Variants in HPS5 observed in about 807,000 individuals in gnomAD.
The protein encoded by HPS5 is BLOC-2 complex member HPS5.
HPS5 carries 83 observed loss-of-function variants against 128.0 expected under a neutral mutation model. The observed-to-expected ratio is 0.65, with a 90% CI of 0.54 to 0.78. The LOEUF is 0.78. Among genes scored for constraint, HPS5 ranks in the 30% least tolerant of loss-of-function variants. The pLI is 0.00. For missense variants in HPS5, 1,281 were observed against 1,326.2 expected (o/e 0.97, Z 0.53); for synonymous variants, 475 against 470.2 (o/e 1.01, Z -0.13).
chr11:18,317,070 T>C (rs577777944), intron 2 of HPS5, among the ~76,000 whole-genome samples: 1 of 151,858 alleles, frequency 6.6e-6, no homozygotes, highest in Non-Finnish European at 1.5e-5. Context: ...GGCGGGCACA[T>C]GTGGTCCCAG....
In HPS5 at chr11:18,305,445, A is replaced by G. The variant is rs1227152843; in HGVS notation, c.873T>C (p.Ser291=). The G allele has an allele frequency of 6.2e-7, 1 of 1,610,270 alleles. No individual in the cohort carries two copies. The highest frequency in any genetic ancestry group is 1.1e-5 in the South Asian group (1 of 90,962). The change falls in exon 8 of 23, where the codon TCT becomes TCC. Residue 291 remains serine, a synonymous_variant. Transcript: ENST00000349215. ...DHTAGSSQSL[S]FPKLLHLSEH... ...ACCTAAGATGTAAGAGTTTGGGGAA[A>G]GACAAAGACTGGGAGGATCCAGCTG...
At chr11:18,314,560 A>AATAC (rs1863394606) in intron 2 of HPS5, 2 of 152,134 alleles carry the variant, frequency 1.3e-5, no homozygotes, top group Admixed American at 1.3e-4. Flanking sequence ...TAAATAAATA[A>AATAC]ATAATCCACT....
At chr11:18,321,233 C>G (rs1674722993) in intron 1 of HPS5, among the ~76,000 whole-genome samples, 1 of 152,196 alleles carries the variant, frequency 6.6e-6, no homozygotes, top group Admixed American at 6.5e-5. Context: ...GCTTCTTTTT[C>G]CAGCCTTATT....
intron 2 of HPS5, among the ~76,000 whole-genome samples, chr11:18,313,912 C>A (rs1389527769): frequency 3.6e-3 from 393 of 110,376 alleles, no homozygotes; most frequent in Admixed American, 4.6e-3. Flanking sequence ...GACTCCGTCT[C>A]AAAAAAAAAA....
chr11:18,291,764 T>A lies in HPS5; in HGVS notation c.2118A>T (p.Ala706=). 1 of 1,614,206 alleles carries A rather than the reference T, an allele frequency of 6.2e-7. No individual in the cohort carries two copies. Among genetic ancestry groups the A allele is most frequent in the Non-Finnish European group, 8.5e-7 (1 of 1,179,992 alleles). ...CCCTTGGACTCCTTACACATTCACA[T>A]GCTGTTTTATCAACAGATTCTTCAT... ...LGNEESVDKT[A]CECVRSPRES... is the part of the protein sequence containing the mutation. Residue 706 remains alanine, a synonymous_variant, in exon 16 of 23, where the codon GCA becomes GCT. Coordinates refer to ENST00000349215, the MANE Select transcript of HPS5 (RefSeq NM_181507.2).
rs73432728 is a variant in HPS5, at chr11:18,311,994, A to G, written c.139T>C (p.Leu47=). ...CTSIAVSRKW[L]ALGSSGGGLH... is the part of the protein sequence containing the mutation. ...CCTCCTCCTGAACTGCCCAAAGCCA[A>G]CCATTTCCGAGACACAGCTATGCTC... Residue 47 remains leucine, a synonymous_variant, in exon 3 of 23, where the codon TTG becomes CTG. Coordinates refer to ENST00000349215, the MANE Select transcript of HPS5 (RefSeq NM_181507.2). The G allele has an allele frequency of 3.5e-3, 5,688 of 1,613,970 alleles. 178 individuals carry two copies. The African/African-American group carries it at 0.068, about 19-fold the overall frequency.
intron 8 of HPS5, among the ~76,000 whole-genome samples, chr11:18,302,855 A>G (rs1245335476): frequency 8.4e-6 from 1 of 118,956 alleles, no homozygotes. Context: ...GATCCCTGAG[A>G]AAGAGATACA....
chr11:18,288,926 A>ATG (rs971230471), intron 16 of HPS5, among the ~76,000 whole-genome samples: 2 of 150,316 alleles, frequency 1.3e-5, no homozygotes, highest in Admixed American at 6.6e-5. Context: ...CTAGGCTGGC[A>ATG]TGTGTGTGTG....
chr11:18,303,246 G>C (rs1297793385), intron 8 of HPS5, among the ~76,000 whole-genome samples: 2 of 142,318 alleles, frequency 1.4e-5, no homozygotes, highest in Non-Finnish European at 3.0e-5. Flanking sequence ...ACTATCATTT[G>C]AGGGTTTTCT....
chr11:18,284,184 A>C (rs1241636332), intron 20 of HPS5, among the ~76,000 whole-genome samples: 1 of 152,086 alleles, frequency 6.6e-6, no homozygotes, highest in African/African-American at 2.4e-5. Flanking sequence ...AAAAAACAAA[A>C]AACCTAGCAA....
intron 15 of HPS5, among the ~76,000 whole-genome samples, chr11:18,292,587 G>T (rs902417477): frequency 6.6e-6 from 1 of 152,094 alleles, no homozygotes; most frequent in Non-Finnish European, 1.5e-5. Flanking sequence ...TCCCATTCTG[G>T]GCTTGTGTGA....
chr11:18,308,928 A>G lies in HPS5; in HGVS notation c.611+18T>C. ...CTAAAATTCTGCATTTCTGATGACTAATGGTTGGTCAATATACCTCTCAGT... is the reference window on the plus strand; with the variant it reads ...CTAAAATTCTGCATTTCTGATGACTGATGGTTGGTCAATATACCTCTCAGT... On this transcript the variant is annotated intron_variant, in intron 6 of 22. Coordinates refer to ENST00000349215, the MANE Select transcript of HPS5 (RefSeq NM_181507.2). 1 of 1,613,342 alleles carries G rather than the reference A, an allele frequency of 6.2e-7. No individual in the cohort carries two copies. The highest frequency in any genetic ancestry group is 8.5e-7 in the Non-Finnish European group (1 of 1,179,376).
chr11:18,297,595 T>C lies in HPS5; in HGVS notation c.1287A>G (p.Ser429=). The change falls in exon 11 of 23, where the codon TCA becomes TCG. Residue 429 remains serine, a synonymous_variant. Coordinates refer to ENST00000349215, the MANE Select transcript of HPS5 (RefSeq NM_181507.2). ...TGGAGCTTCTTCTACTGCTACAAGC[T>C]GAATCCAAAGGTTCAAATTTTAAGA... ...ELILKFEPLD[S]ACSSRRSSIS... The C allele has an allele frequency of 6.2e-7, 1 of 1,614,052 alleles. No homozygotes were observed. The highest frequency in any genetic ancestry group is 8.5e-7 in the Non-Finnish European group (1 of 1,179,928).
Position 18,298,953 on chromosome 11 carries a change from C to A in HPS5, c.1003G>T (p.Val335Phe). The change falls in exon 10 of 23, where the codon GTC becomes TTC. Residue 335 changes from valine to phenylalanine, a missense_variant. Physicochemically the swap from Val to Phe is conservative, Grantham distance 50 (BLOSUM62 -1). Coordinates refer to ENST00000349215, the MANE Select transcript of HPS5 (RefSeq NM_181507.2). Reference protein sequence around the residue: ...SEVKDIQDVAVCRNELFCLHL... With the variant: ...SEVKDIQDVAFCRNELFCLHL... Reference sequence around the variant, plus strand: ...AAACAGAACAATTCATTCCTACAGACAGCCACATCCTGAATATCTACGAAA... The same window carrying A: ...AAACAGAACAATTCATTCCTACAGAAAGCCACATCCTGAATATCTACGAAA... 1 of 1,614,166 alleles carries A rather than the reference C, an allele frequency of 6.2e-7. No individual in the cohort carries two copies. The highest frequency in any genetic ancestry group is 8.5e-7 in the Non-Finnish European group (1 of 1,180,004).
intron 19 of HPS5, 88 bp from the exon 20 acceptor site, chr11:18,285,547 T>A: frequency 3.4e-6 from 3 of 884,716 alleles, no homozygotes; most frequent in Non-Finnish European, 5.5e-6. Context: ...GAATAGAGTT[T>A]AACTGCATTC....
At chr11:18,302,362 C>T (rs1861798822) in intron 8 of HPS5, among the ~76,000 whole-genome samples, 1 of 152,162 alleles carries the variant, frequency 6.6e-6, no homozygotes, top group Admixed American at 6.5e-5. Context: ...AATCTAGCCA[C>T]CTCTCAAGGA....
chr11:18,286,257 A>G (rs1186085964), intron 19 of HPS5, among the ~76,000 whole-genome samples: 3 of 152,170 alleles, frequency 2.0e-5, no homozygotes, highest in Non-Finnish European at 4.4e-5. Context: ...TAGAAATAAG[A>G]CTCCTAGCCA....
Position 18,308,973 on chromosome 11 carries a change from G to A in HPS5, c.584C>T (p.Thr195Ile). ...CTCAGTGTCACACAAGAAGGATCGA[G>A]TAAGTGAAGATATAAGTAGCCTTCC... ...LDGRLLISSL[T>I]RSFLCDTERE... Residue 195 changes from threonine (T) to isoleucine (I), a missense_variant, in exon 6 of 23, where the codon ACT becomes ATT. Physicochemically the swap from Thr to Ile is moderately conservative, Grantham distance 89. Transcript: ENST00000349215. 1 of 1,614,058 alleles carries A rather than the reference G, an allele frequency of 6.2e-7. No individual in the cohort carries two copies. Among genetic ancestry groups the A allele is most frequent in the South Asian group, 1.1e-5 (1 of 91,086 alleles).
intron 6 of HPS5, among the ~76,000 whole-genome samples, chr11:18,306,690 T>C (rs1479495726): frequency 6.6e-6 from 1 of 152,224 alleles, no homozygotes; most frequent in African/African-American, 2.4e-5. Context: ...TACTAATTGC[T>C]TCTAAAGTCA....
Sources: gnomAD v4.1 joint callset for allele counts (sites outside exome capture counted in the v4.1 genomes callset) on GRCh38, gnomAD v4.1.1 for gene constraint, MANE v1.5 for transcripts, NCBI Gene and HGNC (gene_info 2026-07-23, HGNC 2026-07-21) for gene names.